Variants in DNER observed in about 807,000 individuals in gnomAD.
DNER encodes delta/notch like EGF repeat containing.
In DNER, 33 loss-of-function variants were observed where a neutral mutation model predicts 78.2. That is an observed-to-expected ratio of 0.42 (90% CI 0.32 to 0.56). The LOEUF is 0.56. DNER is among the 20% of genes least tolerant of loss of function. The pLI is 0.11. For synonymous variants in DNER, 417 were observed against 384.8 expected (o/e 1.08, Z -0.98); for missense variants, 918 against 975.3 (o/e 0.94, Z 0.78).
At chr2:229,711,754 A>G (rs2154217922) in intron 1 of DNER, among the ~76,000 whole-genome samples, 1 of 152,250 alleles carries the variant, frequency 6.6e-6, no homozygotes, top group South Asian at 2.1e-4. Context: ...AGTGAGCACA[A>G]GGTTCTATTT....
At chr2:229,681,773 T>G (rs1699390242) in intron 1 of DNER, among the ~76,000 whole-genome samples, 1 of 150,182 alleles carries the variant, frequency 6.7e-6, no homozygotes, top group Non-Finnish European at 1.5e-5. Context: ...AAAATCTCAT[T>G]CAAATTCAGT....
chr2:229,592,816 C>A (rs1697632947), intron 1 of DNER, among the ~76,000 whole-genome samples: 1 of 152,192 alleles, frequency 6.6e-6, no homozygotes, highest in African/African-American at 2.4e-5. Context: ...AGCTGATATA[C>A]CCCTGGCTTC....
chr2:229,590,796 T>C (rs1697589068), intron 2 of DNER, among the ~76,000 whole-genome samples: 1 of 152,256 alleles, frequency 6.6e-6, no homozygotes, highest in Non-Finnish European at 1.5e-5. Context: ...GATTTGGATC[T>C]GTGTCTTCAA....
chr2:229,365,156 A>G (rs73096239), intron 12 of DNER, among the ~76,000 whole-genome samples: 4,520 of 152,270 alleles, frequency 0.03, 196 homozygotes, highest in African/African-American at 0.1. Flanking sequence ...CAAAAGAAAC[A>G]CAGAACCCAT....
intron 11 of DNER, among the ~76,000 whole-genome samples, chr2:229,383,385 A>G (rs1280349233): frequency 6.6e-6 from 1 of 152,204 alleles, no homozygotes; most frequent in Non-Finnish European, 1.5e-5. Context: ...TAGCATCATA[A>G]TGACAGGAGC....
At chr2:229,481,476 G>C (rs146969144) in intron 6 of DNER, among the ~76,000 whole-genome samples, 14 of 152,114 alleles carry the variant, frequency 9.2e-5, no homozygotes, top group African/African-American at 3.4e-4. Context: ...AGAGAGCAGA[G>C]GCTTCACTGA....
At chr2:229,421,619 A>T (rs778084186) in intron 8 of DNER, among the ~76,000 whole-genome samples, 113 of 130,064 alleles carry the variant, frequency 8.7e-4, no homozygotes, top group Non-Finnish European at 1.3e-3. Flanking sequence ...TAAAAAACAT[A>T]CAACATGAAA....
At chr2:229,474,175 G>T (rs894309593) in intron 7 of DNER, among the ~76,000 whole-genome samples, 5 of 152,074 alleles carry the variant, frequency 3.3e-5, no homozygotes, top group Non-Finnish European at 5.9e-5. Flanking sequence ...CAGAGTGCTG[G>T]GATTACAGGC....
At chr2:229,694,957 T>C (rs1699639036) in intron 1 of DNER, among the ~76,000 whole-genome samples, 1 of 152,190 alleles carries the variant, frequency 6.6e-6, no homozygotes, top group Non-Finnish European at 1.5e-5. Flanking sequence ...CCAAATCTCA[T>C]CTTGCATTGT....
At chr2:229,582,846 G>A (rs1697427767) in intron 4 of DNER, among the ~76,000 whole-genome samples, 1 of 151,914 alleles carries the variant, frequency 6.6e-6, no homozygotes, top group Non-Finnish European at 1.5e-5. Flanking sequence ...TCACCATGTT[G>A]GTCAGGCTGG....
intron 4 of DNER, among the ~76,000 whole-genome samples, chr2:229,579,224 T>A (rs1697351911): frequency 6.6e-6 from 1 of 152,142 alleles, no homozygotes; most frequent in African/African-American, 2.4e-5. Flanking sequence ...TTCATCTGAA[T>A]CCCATGGCCA....
intron 12 of DNER, among the ~76,000 whole-genome samples, chr2:229,361,021 T>G (rs760890140): frequency 6.6e-6 from 1 of 152,172 alleles, no homozygotes; most frequent in Non-Finnish European, 1.5e-5. Context: ...TTAGGAGAAT[T>G]TTGGAGGTTT....
intron 1 of DNER, among the ~76,000 whole-genome samples, chr2:229,610,552 C>T (rs1408352507): frequency 1.3e-5 from 2 of 152,206 alleles, no homozygotes; most frequent in Non-Finnish European, 2.9e-5. Context: ...TTTCCTCAAC[C>T]GCCGACAGTG....
chr2:229,472,131 T>C (rs962316653), intron 7 of DNER, among the ~76,000 whole-genome samples: 1 of 152,254 alleles, frequency 6.6e-6, no homozygotes, highest in Non-Finnish European at 1.5e-5. Context: ...CAAGAGTGGT[T>C]CATACAAAAT....
At chr2:229,372,401 C>G (rs183375869) in intron 11 of DNER, among the ~76,000 whole-genome samples, 1 of 152,116 alleles carries the variant, frequency 6.6e-6, no homozygotes, top group African/African-American at 2.4e-5. Flanking sequence ...TAACCAGGGA[C>G]GGGCAAGAGC....
At chr2:229,474,148 C>T (rs968884263) in intron 7 of DNER, among the ~76,000 whole-genome samples, 21 of 152,096 alleles carry the variant, frequency 1.4e-4, no homozygotes, top group Admixed American at 7.9e-4. Flanking sequence ...TGCAGTGATC[C>T]GCCCACCTTG....
chr2:229,696,823 G>A (rs896348874), intron 1 of DNER, among the ~76,000 whole-genome samples: 14 of 152,146 alleles, frequency 9.2e-5, no homozygotes, highest in Admixed American at 4.6e-4. Context: ...CCCAGGTAAC[G>A]ACAGTAGCAA....
chr2:229,686,345 G>C (rs1409927785), intron 1 of DNER, among the ~76,000 whole-genome samples: 2 of 152,128 alleles, frequency 1.3e-5, no homozygotes, highest in Non-Finnish European at 2.9e-5. Flanking sequence ...CCTGCACCCA[G>C]GTTCTGAGTC....
chr2:229,663,075 A>T (rs1311879852), intron 1 of DNER, among the ~76,000 whole-genome samples: 1 of 152,190 alleles, frequency 6.6e-6, no homozygotes, highest in Non-Finnish European at 1.5e-5. Flanking sequence ...TAGATGCTTG[A>T]TCAGTTGAAC....
Sources: gnomAD v4.1 joint callset for allele counts (sites outside exome capture counted in the v4.1 genomes callset) on GRCh38, gnomAD v4.1.1 for gene constraint, MANE v1.5 for transcripts, NCBI Gene and HGNC (gene_info 2026-07-23, HGNC 2026-07-21) for gene names.